SGMS1: variants seen among roughly 807,000 people sequenced by gnomAD.
The protein encoded by SGMS1 is phosphatidylcholine:ceramide cholinephosphotransferase 1.
A neutral mutation model predicts 46.2 loss-of-function variants in SGMS1; 13 were observed. The ratio of observed to expected loss-of-function variants is 0.28; its 90% CI spans 0.18 to 0.45. The LOEUF (loss-of-function observed/expected upper bound fraction) is 0.45, where lower values mean the gene tolerates loss of function less well. Among genes scored for constraint, SGMS1 ranks in the 20% least tolerant of loss-of-function variants. SGMS1 has a pLI of 1.00. For missense variants in SGMS1, 324 were observed against 519.9 expected (o/e 0.62, Z 3.66); for synonymous variants, 203 against 187.8 (o/e 1.08, Z -0.66).
intron 1 of SGMS1, among the ~76,000 whole-genome samples, chr10:50,623,234 T>G (rs993676441): frequency 6.6e-6 from 1 of 152,054 alleles, no homozygotes; most frequent in African/African-American, 2.4e-5. Context: ...AGGTACCAAC[T>G]GTCACACCGC....
chr10:50,586,741 A>C (rs934888023), intron 2 of SGMS1, among the ~76,000 whole-genome samples: 1 of 152,232 alleles, frequency 6.6e-6, no homozygotes, highest in African/African-American at 2.4e-5. Flanking sequence ...GTGTGTCTCA[A>C]TCTTCTCGCT....
intron 7 of SGMS1, among the ~76,000 whole-genome samples, chr10:50,337,152 T>G (rs955483259): frequency 6.6e-6 from 1 of 152,198 alleles, no homozygotes; most frequent in Non-Finnish European, 1.5e-5. Flanking sequence ...CTCATGAGTT[T>G]CATACATGGA....
At chr10:50,620,845 T>C (rs1838842805) in intron 1 of SGMS1, among the ~76,000 whole-genome samples, 2 of 152,216 alleles carry the variant, frequency 1.3e-5, no homozygotes, top group Non-Finnish European at 2.9e-5. Flanking sequence ...TTTTCTAAGT[T>C]AAAGCATTTG....
chr10:50,430,280 C>T (rs1302043436), intron 6 of SGMS1, among the ~76,000 whole-genome samples: 1 of 151,998 alleles, frequency 6.6e-6, no homozygotes, highest in Non-Finnish European at 1.5e-5. Flanking sequence ...ACATTATAGA[C>T]TACGTACACA....
At chr10:50,612,333 G>A (rs1838757731) in intron 1 of SGMS1, among the ~76,000 whole-genome samples, 2 of 152,230 alleles carry the variant, frequency 1.3e-5, no homozygotes, top group Admixed American at 1.3e-4. Context: ...CAGCCTGCCA[G>A]AAGGAATATC....
intron 6 of SGMS1, among the ~76,000 whole-genome samples, chr10:50,346,185 C>A (rs1046816123): frequency 3.9e-5 from 6 of 152,192 alleles, no homozygotes; most frequent in Non-Finnish European, 7.3e-5. Context: ...ATTTCCTTCA[C>A]AGGGTTGTTG....
rs145514554 is a variant in SGMS1, at chr10:50,412,410, C to T, written c.-232+21066G>A. 4.5e-4 allele frequency among the ~76,000 whole-genome samples: 68 copies of T among 152,272 alleles called. No homozygotes were observed. The East Asian group carries it at 0.011, about 25-fold the overall frequency. ...CTGCCTTTATAAGGTAGACAACAGA[C>T]GGATTGTGAATACTCTGAAATCTTC... On this transcript the variant is annotated intron_variant, in intron 6 of 10. Transcript: ENST00000361781.
At chr10:50,474,849 A>G (rs2133706878) in intron 3 of SGMS1, among the ~76,000 whole-genome samples, 1 of 152,308 alleles carries the variant, frequency 6.6e-6, no homozygotes, top group Admixed American at 6.5e-5. Context: ...CCTTAACCAT[A>G]CATTTTCAAT....
intron 2 of SGMS1, among the ~76,000 whole-genome samples, chr10:50,535,051 T>G (rs952463845): frequency 6.6e-6 from 1 of 152,118 alleles, no homozygotes; most frequent in African/African-American, 2.4e-5. Flanking sequence ...CTGGCCAACA[T>G]GGTGAAACCG....
At chr10:50,573,309 T>C (rs78116563) in intron 2 of SGMS1, among the ~76,000 whole-genome samples, 3,096 of 152,280 alleles carry the variant, frequency 0.02, 115 homozygotes, top group African/African-American at 0.07. Context: ...TAATCTTATA[T>C]GTAGAAAACC....
chr10:50,621,521 A>G (rs1838849639), intron 1 of SGMS1, among the ~76,000 whole-genome samples: 1 of 150,394 alleles, frequency 6.6e-6, no homozygotes, highest in Non-Finnish European at 1.5e-5. Flanking sequence ...CTCTTCTGTT[A>G]TGAAGAATTT....
chr10:50,534,130 A>G (rs1273725660), intron 2 of SGMS1, among the ~76,000 whole-genome samples: 4 of 152,192 alleles, frequency 2.6e-5, no homozygotes, highest in African/African-American at 9.7e-5. Context: ...CTATCTGCAC[A>G]CACACATTTA....
intron 1 of SGMS1, among the ~76,000 whole-genome samples, chr10:50,591,049 T>C (rs909609548): frequency 6.6e-6 from 1 of 152,106 alleles, no homozygotes; most frequent in Admixed American, 6.5e-5. Flanking sequence ...AGATCCAATC[T>C]ACAGTATACT....
At chr10:50,344,685 CGG>C (rs1847886437) in intron 6 of SGMS1, among the ~76,000 whole-genome samples, 1 of 151,858 alleles carries the variant, frequency 6.6e-6, no homozygotes, top group Non-Finnish European at 1.5e-5. Flanking sequence ...CTGGCTAACA[CGG>C]TGAAACCCTG....
chr10:50,541,019 G>A (rs1838047227), intron 2 of SGMS1, among the ~76,000 whole-genome samples: 1 of 152,100 alleles, frequency 6.6e-6, no homozygotes, highest in South Asian at 2.1e-4. Context: ...ATGACAGCAT[G>A]GAAGACCAAG....
At chr10:50,538,574 T>C (rs1838024792) in intron 2 of SGMS1, among the ~76,000 whole-genome samples, 1 of 151,298 alleles carries the variant, frequency 6.6e-6, no homozygotes, top group Non-Finnish European at 1.5e-5. Flanking sequence ...GTATTTAGCA[T>C]CCCACACCCT....
rs560167400 is a variant in SGMS1, at chr10:50,409,576, C to T, written c.-232+23900G>A. Reference sequence around the variant, plus strand: ...TGATGACTAGTTTGTCAGTTACAAACATTTAATTTCATATCTCTGACCTTT... The same window carrying T: ...TGATGACTAGTTTGTCAGTTACAAATATTTAATTTCATATCTCTGACCTTT... On this transcript the variant is annotated intron_variant, in intron 6 of 10. Coordinates refer to ENST00000361781, the MANE Select transcript of SGMS1 (RefSeq NM_147156.4). Among the ~76,000 whole-genome samples, 26 of 152,326 alleles carry T rather than the reference C, an allele frequency of 1.7e-4. No homozygotes were observed. The South Asian group carries it at 4.1e-3, about 24-fold the overall frequency.
chr10:50,584,705 T>C (rs1270523875), intron 2 of SGMS1, among the ~76,000 whole-genome samples: 3 of 152,132 alleles, frequency 2.0e-5, no homozygotes, highest in Non-Finnish European at 2.9e-5. Context: ...AGGTGACAAA[T>C]AGCATCCCAT....
intron 6 of SGMS1, among the ~76,000 whole-genome samples, chr10:50,369,332 T>C (rs2133439543): frequency 6.6e-6 from 1 of 152,196 alleles, no homozygotes; most frequent in Non-Finnish European, 1.5e-5. Flanking sequence ...ACCCTGTCTC[T>C]ACAAAAAATT....
Sources: allele counts gnomAD v4.1 joint callset (sites outside exome capture counted in the v4.1 genomes callset), GRCh38; gene constraint gnomAD v4.1.1; transcripts MANE v1.5; gene names NCBI Gene and HGNC (gene_info 2026-07-23, HGNC 2026-07-21).